NUDCD1: variants seen among roughly 807,000 people sequenced by gnomAD.
NUDCD1 encodes NudC domain containing 1.
A neutral mutation model predicts 67.8 loss-of-function variants in NUDCD1; 60 were observed. The observed-to-expected ratio is 0.88, with a 90% CI of 0.72 to 1.10. The LOEUF (loss-of-function observed/expected upper bound fraction) is 1.10. NUDCD1 is among the 50% of genes least tolerant of loss of function. The probability of loss-of-function intolerance (pLI) is 0.00; values close to 1 mark genes in which losing one functional copy is unlikely to be tolerated. For missense variants in NUDCD1, 643 were observed against 695.0 expected, an observed-to-expected ratio of 0.93 and a Z score of 0.84; for synonymous variants, 244 against 230.8, an observed-to-expected ratio of 1.06 and a Z score of -0.52.
chr8:109,278,154 A>G (rs1814340384), intron 6 of NUDCD1, among the ~76,000 whole-genome samples: 1 of 152,196 alleles, frequency 6.6e-6, no homozygotes, highest in African/African-American at 2.4e-5. Context: ...ATTTTAAATC[A>G]ACCATTTCTC....
At chr8:109,320,788 G>T (rs1815515841) in intron 2 of NUDCD1, among the ~76,000 whole-genome samples, 1 of 152,210 alleles carries the variant, frequency 6.6e-6, no homozygotes. Flanking sequence ...ATATGTCCAT[G>T]AAATCTTCAC....
In NUDCD1 at chr8:109,314,919, T is replaced by G. The variant is rs556834315; in HGVS notation, c.273+7390A>C. 9.2e-5 allele frequency among the ~76,000 whole-genome samples: 14 copies of G among 152,184 alleles called. No individual in the cohort carries two copies. In the South Asian group the frequency reaches 2.3e-3, roughly 25 times the overall value. On this transcript the variant is annotated intron_variant, in intron 2 of 9. Coordinates refer to ENST00000239690, the MANE Select transcript of NUDCD1 (RefSeq NM_032869.4). The stretch of plus-strand genomic sequence containing the variant: ...GAAGTAGTTTTCTAATAAATATAGA[T>G]TTATAGAAAGGGCTACTCAAGTTTA...
intron 1 of NUDCD1, chr8:109,329,867 A>G (rs1459498914): frequency 6.5e-7 from 1 of 1,548,458 alleles, no homozygotes. Flanking sequence ...CCTTCAATAC[A>G]AAATCAATAA....
intron 4 of NUDCD1, among the ~76,000 whole-genome samples, chr8:109,290,764 C>G (rs16879277): frequency 0.098 from 14,860 of 152,108 alleles, 777 homozygotes; most frequent in Middle Eastern, 0.14. Context: ...TATACTGTTA[C>G]TCTTTAAGTG....
chr8:109,248,626 T>C (rs1407790467), intron 8 of NUDCD1, among the ~76,000 whole-genome samples: 2 of 152,006 alleles, frequency 1.3e-5, no homozygotes, highest in African/African-American at 4.8e-5. Flanking sequence ...GCTTCTAGAC[T>C]TAGTACATAG....
At chr8:109,307,378 C>T (rs1451161090) in intron 2 of NUDCD1, among the ~76,000 whole-genome samples, 4 of 152,174 alleles carry the variant, frequency 2.6e-5, no homozygotes, top group Non-Finnish European at 4.4e-5. Flanking sequence ...GGACTCAGTC[C>T]GCCTGCACCC....
intron 8 of NUDCD1, among the ~76,000 whole-genome samples, chr8:109,256,474 C>T (rs764078870): frequency 6.6e-6 from 1 of 151,946 alleles, no homozygotes; most frequent in African/African-American, 2.4e-5. Flanking sequence ...CACGTATCAC[C>T]TACAGTGAGT....
In NUDCD1 at chr8:109,334,074, C is replaced by T. The variant is rs1322738506; in HGVS notation, c.-64G>A. 4 of 1,605,176 alleles carry T rather than the reference C, an allele frequency of 2.5e-6. No individual in the cohort carries two copies. In the Admixed American group the frequency reaches 5.1e-5, roughly 20 times the overall value. The stretch of plus-strand genomic sequence containing the variant: ...TTGTTGAAAGGTCCGCGCTTCACGC[C>T]TCGCACAGAGACTGGGAAGCGGCGT... On this transcript the variant is annotated 5_prime_UTR_variant, in exon 1 of 10. Coordinates refer to ENST00000239690, the MANE Select transcript of NUDCD1 (RefSeq NM_032869.4).
chr8:109,258,988 T>C (rs142099425), intron 8 of NUDCD1, among the ~76,000 whole-genome samples: 579 of 152,300 alleles, frequency 3.8e-3, no homozygotes, highest in Middle Eastern at 6.8e-3. Context: ...CACACTCATA[T>C]TGAGGTCAGC....
chr8:109,276,566 C>G (rs560204188), intron 6 of NUDCD1, among the ~76,000 whole-genome samples: 2 of 152,298 alleles, frequency 1.3e-5, no homozygotes, highest in African/African-American at 4.8e-5. Context: ...TTTTCTGAAA[C>G]TACCTATTTT....
chr8:109,284,008 CA>C (rs1814518005), intron 5 of NUDCD1, among the ~76,000 whole-genome samples: 1 of 129,112 alleles, frequency 7.7e-6, no homozygotes, highest in African/African-American at 3.4e-5. Context: ...AAAAAAAAAA[CA>C]AAACAAAAAC....
chr8:109,328,122 T>A (rs995099037), intron 1 of NUDCD1, among the ~76,000 whole-genome samples: 1 of 152,162 alleles, frequency 6.6e-6, no homozygotes, highest in African/African-American at 2.4e-5. Context: ...TTTCAAGACA[T>A]CAGACATAAA....
At chr8:109,275,299 C>T in intron 7 of NUDCD1, 53 bp downstream of exon 7, 2 of 1,539,290 alleles carry the variant, frequency 1.3e-6, no homozygotes, top group Non-Finnish European at 8.8e-7. Context: ...ATAATCTTCA[C>T]ATAACATATT....
intron 4 of NUDCD1, among the ~76,000 whole-genome samples, chr8:109,292,839 CA>C (rs1814739431): frequency 6.6e-6 from 1 of 151,906 alleles, no homozygotes; most frequent in South Asian, 2.1e-4. Flanking sequence ...GGGAGCACAT[CA>C]GGTAAGAAAA....
At chr8:109,324,397 A>G (rs1815618075) in intron 1 of NUDCD1, among the ~76,000 whole-genome samples, 1 of 152,090 alleles carries the variant, frequency 6.6e-6, no homozygotes, top group Admixed American at 6.6e-5. Context: ...AAAATACAAA[A>G]AAAAAAAATA....
At chr8:109,255,678 GA>G (rs34690940) in intron 8 of NUDCD1, among the ~76,000 whole-genome samples, 9,759 of 92,388 alleles carry the variant, frequency 0.11, 594 homozygotes, top group African/African-American at 0.23. Context: ...GTTCCACACA[GA>G]AAAAAAAAAA....
chr8:109,281,339 T>C (rs930446169), intron 5 of NUDCD1, among the ~76,000 whole-genome samples, 167 bp from the exon 6 acceptor site: 2 of 152,172 alleles, frequency 1.3e-5, no homozygotes, highest in Non-Finnish European at 2.9e-5. Context: ...ACTCAAAGAT[T>C]TGCAGCAATT....
At chr8:109,252,143 A>G (rs867651526) in intron 8 of NUDCD1, among the ~76,000 whole-genome samples, 3 of 151,996 alleles carry the variant, frequency 2.0e-5, no homozygotes, top group African/African-American at 2.4e-5. Context: ...TTGTTGCTTG[A>G]TGTGCTTCCT....
intron 2 of NUDCD1, among the ~76,000 whole-genome samples, chr8:109,305,325 A>G (rs766954969): frequency 6.6e-6 from 1 of 152,118 alleles, no homozygotes; most frequent in Non-Finnish European, 1.5e-5. Flanking sequence ...TGTAAGACAT[A>G]ATTCCTCAGT....
Sources: gnomAD v4.1 joint callset for allele counts (sites outside exome capture counted in the v4.1 genomes callset) on GRCh38, gnomAD v4.1.1 for gene constraint, MANE v1.5 for transcripts, NCBI Gene and HGNC (gene_info 2026-07-23, HGNC 2026-07-21) for gene names.